The following TBC1D32 variants were observed in gnomAD, a reference collection of about 807,000 sequenced individuals.
The protein encoded by TBC1D32 is TBC1 domain family member 32, also known as protein broad-minded.
A neutral mutation model predicts 170.3 loss-of-function variants in TBC1D32; 151 were observed. The ratio of observed to expected loss-of-function variants is 0.89; its 90% confidence interval spans 0.78 to 1.01. TBC1D32 has a LOEUF of 1.01. TBC1D32 is among the 50% of genes least tolerant of loss of function. The pLI is 0.00. For missense variants in TBC1D32, 1,464 were observed against 1,457.1 expected, an observed-to-expected ratio of 1.00 and a Z score of -0.08; for synonymous variants, 498 against 488.0, an observed-to-expected ratio of 1.02 and a Z score of -0.27.
chr6:121,313,581 A>G (rs1808546957), intron 3 of TBC1D32, among the ~76,000 whole-genome samples: 1 of 152,092 alleles, frequency 6.6e-6, no homozygotes, highest in Non-Finnish European at 1.5e-5. Flanking sequence ...CAATGCTACT[A>G]TGTTCATCTT....
intron 30 of TBC1D32, among the ~76,000 whole-genome samples, chr6:121,103,083 A>G (rs1778303283): frequency 6.6e-6 from 1 of 152,132 alleles, no homozygotes; most frequent in Admixed American, 6.6e-5. Flanking sequence ...GTCAAGAAAC[A>G]ACAGGTGCTG....
At chr6:121,334,671 C>T, upstream of TBC1D32, 2 of 561,062 alleles carry the variant, frequency 3.6e-6, no homozygotes, top group Non-Finnish European at 6.4e-6. Flanking sequence ...TAGTTGCTAG[C>T]CTTCAGTACC....
intron 25 of TBC1D32, among the ~76,000 whole-genome samples, chr6:121,127,957 T>G (rs1781030066): frequency 6.6e-6 from 1 of 152,140 alleles, no homozygotes; most frequent in Admixed American, 6.6e-5. Context: ...TGCCTGAGAT[T>G]AGGTCAGAAA....
At chr6:121,170,493 G>A (rs1195642814) in intron 22 of TBC1D32, 1 of 1,606,278 alleles carries the variant, frequency 6.2e-7, no homozygotes, top group African/African-American at 1.3e-5. Context: ...AACAGGAGAA[G>A]AGTGTCCAGA....
intron 21 of TBC1D32, among the ~76,000 whole-genome samples, chr6:121,222,187 T>C (rs1407811871): frequency 3.1e-5 from 1 of 31,946 alleles, no homozygotes; most frequent in Non-Finnish European, 1.1e-4. Context: ...AATTAAGCAA[T>C]AAACTTTTTT....
chr6:121,178,244 C>T (rs930184031), intron 22 of TBC1D32, among the ~76,000 whole-genome samples: 31 of 152,066 alleles, frequency 2.0e-4, no homozygotes, highest in African/African-American at 7.5e-4. Flanking sequence ...TGGGTGGGGA[C>T]AGAGAGCCAA....
intron 22 of TBC1D32, among the ~76,000 whole-genome samples, chr6:121,177,672 T>G (rs1475138087): frequency 2.6e-5 from 4 of 152,168 alleles, no homozygotes; most frequent in Non-Finnish European, 1.5e-5. Context: ...CAAACTTTGT[T>G]TCATGTATAA....
intron 22 of TBC1D32, among the ~76,000 whole-genome samples, chr6:121,161,901 T>G (rs1785718111): frequency 6.6e-6 from 1 of 152,258 alleles, no homozygotes; most frequent in Non-Finnish European, 1.5e-5. Context: ...GATATCTCAT[T>G]GTGGTTTTCA....
At chr6:121,089,442 C>T (rs1776586348) in intron 31 of TBC1D32, among the ~76,000 whole-genome samples, 1 of 152,092 alleles carries the variant, frequency 6.6e-6, no homozygotes, top group African/African-American at 2.4e-5. Context: ...TATAACTGAC[C>T]ACTATAGATG....
At chr6:121,153,394 T>G (rs550872707) in intron 24 of TBC1D32, among the ~76,000 whole-genome samples, 2 of 152,186 alleles carry the variant, frequency 1.3e-5, no homozygotes, top group Admixed American at 1.3e-4. Context: ...ACCCACCAGA[T>G]GCCAGCTGAA....
Position 121,295,975 on chromosome 6 carries a change from A to C in TBC1D32, c.1141-1315T>G, listed in dbSNP as rs764296353. On this transcript the variant is annotated intron_variant, in intron 10 of 31. Coordinates refer to ENST00000398212, the MANE Select transcript of TBC1D32 (RefSeq NM_152730.6). ...GTTTGCACAAATAATGTGGTTTATG[A>C]GGAATACCTGCTTTCCTTCTAGGAG... 3.8e-4 allele frequency among the ~76,000 whole-genome samples: 58 copies of C among 152,112 alleles called. 1 individual carries two copies. The highest frequency in any genetic ancestry group is 1.0e-3 in the South Asian group (5 of 4,830).
At chr6:121,091,116 A>G (rs1776757653) in intron 30 of TBC1D32, 75 bp from the exon 31 acceptor site, 2 of 1,206,136 alleles carry the variant, frequency 1.7e-6, no homozygotes, top group African/African-American at 3.0e-5. Flanking sequence ...ACATTAACCA[A>G]TAACTCATAC....
At chr6:121,140,981 G>C (rs1176592874) in intron 24 of TBC1D32, among the ~76,000 whole-genome samples, 1 of 152,124 alleles carries the variant, frequency 6.6e-6, no homozygotes, top group Non-Finnish European at 1.5e-5. Flanking sequence ...GAGTCGAAGA[G>C]AGAGCTTGAT....
intron 12 of TBC1D32, among the ~76,000 whole-genome samples, chr6:121,287,076 A>C (rs1476845368): frequency 1.2e-4 from 19 of 152,216 alleles, no homozygotes; most frequent in Admixed American, 9.8e-4. Context: ...CATCAAGGCT[A>C]GGAAGAAACT....
At chr6:121,274,376 C>A (rs1252131489) in intron 15 of TBC1D32, among the ~76,000 whole-genome samples, 3 of 149,790 alleles carry the variant, frequency 2.0e-5, no homozygotes, top group African/African-American at 7.4e-5. Context: ...AAAACCCACA[C>A]AACTTAAATG....
intron 15 of TBC1D32, among the ~76,000 whole-genome samples, chr6:121,269,175 C>A (rs1800987436): frequency 1.3e-5 from 2 of 152,118 alleles, no homozygotes; most frequent in Non-Finnish European, 2.9e-5. Flanking sequence ...CTTGTACAGA[C>A]CATCGAGGCT....
intron 2 of TBC1D32, among the ~76,000 whole-genome samples, chr6:121,320,327 G>A (rs901327103): frequency 6.6e-6 from 1 of 151,604 alleles, no homozygotes; most frequent in Non-Finnish European, 1.5e-5. Flanking sequence ...TCTTTGTGAG[G>A]TAATTATTAC....
intron 21 of TBC1D32, among the ~76,000 whole-genome samples, chr6:121,211,884 T>C (rs533107592): frequency 2.0e-5 from 3 of 152,060 alleles, no homozygotes; most frequent in Admixed American, 1.3e-4. Flanking sequence ...AGAGCAAGGA[T>C]AGTATGTGCT....
At chr6:121,224,328 A>G (rs1303165636) in intron 20 of TBC1D32, 2 of 152,100 alleles carry the variant, frequency 1.3e-5, no homozygotes, top group Non-Finnish European at 2.9e-5. Flanking sequence ...GTCAATACTT[A>G]TATCTTTTGC....
Sources: gnomAD v4.1 joint callset for allele counts (sites outside exome capture counted in the v4.1 genomes callset) on GRCh38, gnomAD v4.1.1 for gene constraint, MANE v1.5 for transcripts, NCBI Gene and HGNC (gene_info 2026-07-23, HGNC 2026-07-21) for gene names.